Variants in NCSTN observed in about 807,000 individuals in gnomAD.
NCSTN encodes the protein nicastrin, also known as anterior pharynx-defective 2.
NCSTN carries 22 observed loss-of-function variants against 87.0 expected under a neutral mutation model. The ratio of observed to expected loss-of-function variants is 0.25; its 90% confidence interval spans 0.18 to 0.36. The LOEUF is 0.36. Among genes scored for constraint, NCSTN ranks in the 10% least tolerant of loss-of-function variants. NCSTN has a pLI of 1.00. For missense variants in NCSTN, 693 were observed against 883.3 expected (o/e 0.78, Z 2.73); for synonymous variants, 306 against 327.1 (o/e 0.94, Z 0.69).
chr1:160,343,666 C>A, intron 1 of NCSTN, 185 bp downstream of exon 1: 2 of 727,358 alleles, frequency 2.7e-6, no homozygotes, highest in Non-Finnish European at 5.0e-6. Context: ...GTCCCTTCTC[C>A]CCCGCAGCAC....
intron 3 of NCSTN, 159 bp from the exon 4 acceptor site, chr1:160,349,390 C>G (rs1571202683): frequency 1.8e-6 from 2 of 1,134,678 alleles, no homozygotes; most frequent in East Asian, 2.4e-5. Context: ...CTTTTTAGAG[C>G]AGATCATTGT....
intron 4 of NCSTN, 54 bp downstream of exon 4, chr1:160,349,724 C>T: frequency 6.2e-7 from 1 of 1,606,270 alleles, no homozygotes; most frequent in Non-Finnish European, 8.5e-7. Flanking sequence ...CTCACTGTTG[C>T]TTCGGTCTTA....
At position 160,349,535 on chromosome 1, in the gene NCSTN, C is replaced by T; in HGVS notation, c.315-14C>T. ...CTTCCTGTGTTCCTTCATGGAATTC[C>T]TTTCCTATTCCAGGGATTTAATGGA... On this transcript the variant is annotated splice_polypyrimidine_tract_variant and intron_variant, in intron 3 of 16. Coordinates refer to ENST00000294785, the MANE Select transcript of NCSTN (RefSeq NM_015331.3). 6.2e-7 allele frequency: 1 copy of T among 1,614,144 alleles called. No individual in the cohort carries two copies. The highest frequency in any genetic ancestry group is 8.5e-7 in the Non-Finnish European group (1 of 1,180,016).
At chr1:160,346,022 CTT>C (rs751941810) in intron 2 of NCSTN, among the ~76,000 whole-genome samples, 7 of 142,910 alleles carry the variant, frequency 4.9e-5, no homozygotes, top group African/African-American at 1.8e-4. Flanking sequence ...TTTTTTAAAA[CTT>C]TTTTTCCTTA....
At chr1:160,355,189 T>A (rs1400844705) in intron 11 of NCSTN, among the ~76,000 whole-genome samples, 1 of 152,214 alleles carries the variant, frequency 6.6e-6, no homozygotes, top group African/African-American at 2.4e-5. Context: ...AGGATCATCA[T>A]GGTGATTTTA....
At position 160,351,799 on chromosome 1, in the gene NCSTN, C is replaced by T. The variant is rs202165621; in HGVS notation, c.837C>T (p.Ala279=). ...LKPDDRVVVA[A]TRLDSRSFFW... is the part of the protein sequence containing the mutation. ...CTGACGACAGGGTTGTGGTTGCTGC[C>T]ACCCGGGTGAGTGTTGGCTTCTGAT... The change falls in exon 7 of 17, where the codon GCC becomes GCT. Residue 279 remains alanine (A), a synonymous_variant. Coordinates refer to ENST00000294785, the MANE Select transcript of NCSTN (RefSeq NM_015331.3). 2.5e-6 allele frequency: 4 copies of T among 1,605,760 alleles called. No homozygotes were observed. The Admixed American group carries it at 5.0e-5, about 20-fold the overall frequency.
At chr1:160,349,699 T>A in intron 4 of NCSTN, 29 bp downstream of exon 4, 1 of 1,612,412 alleles carries the variant, frequency 6.2e-7, no homozygotes, top group Non-Finnish European at 8.5e-7. Flanking sequence ...CAGGAGAGCC[T>A]ACTGTCACCT....
Position 160,353,152 on chromosome 1 carries a change from C to T in NCSTN, c.1102-8C>T, listed in dbSNP as rs769379850. The T allele has an allele frequency of 6.2e-7, 1 of 1,613,106 alleles. No homozygotes were observed. Among genetic ancestry groups the T allele is most frequent in the Non-Finnish European group, 8.5e-7 (1 of 1,179,048 alleles). ...ATTCTAAGTGTTGTTTCTTCATCCT[C>T]CCCCCAGGTGGCCTTAAGAACTTCA... On this transcript the variant is annotated splice_region_variant and splice_polypyrimidine_tract_variant and intron_variant, in intron 9 of 16. Coordinates refer to ENST00000294785, the MANE Select transcript of NCSTN (RefSeq NM_015331.3).
chr1:160,350,520 G>A (rs1269603085), intron 5 of NCSTN, among the ~76,000 whole-genome samples: 2 of 151,480 alleles, frequency 1.3e-5, no homozygotes, highest in Non-Finnish European at 2.9e-5. Context: ...CATTCTTCTG[G>A]TACACCTGCT....
chr1:160,346,249 T>G (rs920358229), intron 2 of NCSTN, among the ~76,000 whole-genome samples: 2 of 152,258 alleles, frequency 1.3e-5, no homozygotes, highest in East Asian at 3.8e-4. Flanking sequence ...GATACTGGCT[T>G]CTTCATCATC....
intron 2 of NCSTN, 61 bp downstream of exon 2, chr1:160,344,887 G>T: frequency 7.3e-7 from 1 of 1,377,628 alleles, no homozygotes. Flanking sequence ...TAGATACTAA[G>T]TAACATCCAT....
intron 1 of NCSTN, 139 bp downstream of exon 1, chr1:160,343,620 C>A: frequency 1.1e-6 from 1 of 881,184 alleles, no homozygotes; most frequent in South Asian, 1.4e-5. Flanking sequence ...TTTTTCGTTC[C>A]CACGACAGAA....
intron 2 of NCSTN, among the ~76,000 whole-genome samples, chr1:160,346,260 A>C (rs759108967): frequency 6.6e-6 from 1 of 152,218 alleles, no homozygotes; most frequent in Non-Finnish European, 1.5e-5. Context: ...CTTCATCATC[A>C]AATTGATCAC....
intron 2 of NCSTN, among the ~76,000 whole-genome samples, chr1:160,346,150 G>A (rs1571198404): frequency 6.6e-6 from 1 of 152,260 alleles, no homozygotes; most frequent in Non-Finnish European, 1.5e-5. Flanking sequence ...GTAATCTAAA[G>A]GCTAACCTGC....
Position 160,353,199 on chromosome 1 carries a change from G to C in NCSTN, c.1141G>C (p.Asp381His), listed in dbSNP as rs1158994780. 6.2e-7 allele frequency: 1 copy of C among 1,614,154 alleles called. No homozygotes were observed. Among genetic ancestry groups the C allele is most frequent in the South Asian group, 1.1e-5 (1 of 91,082 alleles). ...TTCATTAGAGCTTTGGATGCACACA[G>C]ATCCTGTTTCTCAGAAAAATGAGTC... ...RTSLELWMHT[D>H]PVSQKNESVR... The change falls in exon 10 of 17, where the codon GAT becomes CAT. Residue 381 changes from aspartate to histidine, a missense_variant. By Grantham distance (81) the Asp-to-His change is moderately conservative. Around this residue, in one of 4 missense-constraint regions of NCSTN, gnomAD observed 108 missense variants for 111.6 expected, o/e 0.97. Coordinates refer to ENST00000294785, the MANE Select transcript of NCSTN (RefSeq NM_015331.3).
Position 160,351,907 on chromosome 1 carries a change from C to T in NCSTN, c.843+102C>T, listed in dbSNP as rs975910747. On this transcript the variant is annotated intron_variant, in intron 7 of 16. Transcript: ENST00000294785. ...TTTCAAAGTTGCTAAATTGGGAAGC[C>T]TCAAATGGGGAGGAATCTGGGCTGT... is the stretch of plus-strand genomic sequence containing the variant. 8.1e-6 allele frequency: 12 copies of T among 1,473,500 alleles called. No homozygotes were observed. The Admixed American group carries it at 1.5e-4, about 19-fold the overall frequency. The allele number at this position is 1,473,500 out of a possible 1,614,324, so 91.3% of individuals were successfully genotyped here.
chr1:160,358,013 C>A, intron 16 of NCSTN, 136 bp from the exon 17 acceptor site: 1 of 1,090,380 alleles, frequency 9.2e-7, no homozygotes, highest in Non-Finnish European at 1.4e-6. Flanking sequence ...AGAGATGTTG[C>A]CCATGATTAT....
At chr1:160,355,582 G>T in intron 11 of NCSTN, 73 bp from the exon 12 acceptor site, 1 of 1,065,940 alleles carries the variant, frequency 9.4e-7, no homozygotes. Flanking sequence ...CCCTGCATAA[G>T]GAGCATTTGA....
chr1:160,344,929 G>A, intron 2 of NCSTN, 103 bp downstream of exon 2: 1 of 954,284 alleles, frequency 1.0e-6, no homozygotes, highest in South Asian at 1.3e-5. Flanking sequence ...ACTTATATTG[G>A]ACTGTATGTA....
Sources: allele counts gnomAD v4.1 joint callset (sites outside exome capture counted in the v4.1 genomes callset), GRCh38; gene constraint gnomAD v4.1.1; regional missense constraint gnomAD v4.1.1; transcripts MANE v1.5; gene names NCBI Gene and HGNC (gene_info 2026-07-23, HGNC 2026-07-21).